The following EXT2 variants were observed in gnomAD, a reference collection of about 807,000 sequenced individuals.
The protein encoded by EXT2 is exostosin glycosyltransferase 2.
EXT2 carries 53 observed loss-of-function variants against 81.6 expected under a neutral mutation model. The ratio of observed to expected loss-of-function variants is 0.65; its 90% CI spans 0.52 to 0.82. The LOEUF (loss-of-function observed/expected upper bound fraction) is 0.82. Ranked by LOEUF, EXT2 falls within the 40% of genes least tolerant of loss-of-function variation. The pLI is 0.00. For synonymous variants in EXT2, 320 were observed against 340.0 expected, an observed-to-expected ratio of 0.94 and a Z score of 0.65; for missense variants, 774 against 910.2, an observed-to-expected ratio of 0.85 and a Z score of 1.93.
intron 4 of EXT2, among the ~76,000 whole-genome samples, chr11:44,118,813 G>A (rs1336876743): frequency 1.3e-5 from 2 of 151,956 alleles, no homozygotes; most frequent in East Asian, 3.9e-4. Flanking sequence ...TGTGCCTAGG[G>A]TCTTAATTTG....
chr11:44,101,584 C>T (rs1000051872), intron 1 of EXT2, among the ~76,000 whole-genome samples: 13 of 152,200 alleles, frequency 8.5e-5, no homozygotes, highest in African/African-American at 3.1e-4. Context: ...ATCACCTGCA[C>T]CTCCTGCCTG....
At position 44,145,254 on chromosome 11, in the gene EXT2, A is replaced by G. The variant is rs143887719; in HGVS notation, c.1173+15116A>G. Among the ~76,000 whole-genome samples the G allele has an allele frequency of 5.9e-5, 9 of 152,300 alleles. No homozygotes were observed. In the East Asian group the frequency reaches 1.2e-3, roughly 20 times the overall value. On this transcript the variant is annotated intron_variant, in intron 7 of 13. Coordinates refer to ENST00000533608, the MANE Select transcript of EXT2 (RefSeq NM_207122.2). Reference sequence around the variant, plus strand: ...AAATCAAACATCTCATTCTAAAAACATTGAGTAGAAAATGCCTCTTTTACT... The same window carrying G: ...AAATCAAACATCTCATTCTAAAAACGTTGAGTAGAAAATGCCTCTTTTACT...
At position 44,180,154 on chromosome 11, in the gene EXT2, T is replaced by A. The variant is rs1290198472; in HGVS notation, c.1305+8412T>A. Among the ~76,000 whole-genome samples the A allele has an allele frequency of 3.3e-5, 5 of 152,342 alleles. No individual in the cohort carries two copies. The East Asian group carries it at 9.6e-4, about 29-fold the overall frequency. ...GGAGTAACTGCTTTTAACTCTAACTTTTCTCTGATACTTTCTTCCTATTTC... is the reference window on the plus strand; with the variant it reads ...GGAGTAACTGCTTTTAACTCTAACTATTCTCTGATACTTTCTTCCTATTTC... On this transcript the variant is annotated intron_variant, in intron 8 of 13. Coordinates refer to ENST00000533608, the MANE Select transcript of EXT2 (RefSeq NM_207122.2).
intron 3 of EXT2, among the ~76,000 whole-genome samples, chr11:44,113,621 G>A (rs1380769880): frequency 1.3e-5 from 2 of 152,164 alleles, no homozygotes; most frequent in African/African-American, 2.4e-5. Flanking sequence ...AGTGAGAGCC[G>A]GTGGAGGCTA....
chr11:44,191,667 G>A (rs570107034), intron 8 of EXT2, among the ~76,000 whole-genome samples: 2 of 152,190 alleles, frequency 1.3e-5, no homozygotes, highest in South Asian at 2.1e-4. Context: ...CCAGCAGGGG[G>A]TCAGTTCTTA....
At chr11:44,235,250 T>TTTTTTTTTTG (rs869304268) in intron 12 of EXT2, among the ~76,000 whole-genome samples, 1 of 121,918 alleles carries the variant, frequency 8.2e-6, no homozygotes, top group African/African-American at 3.5e-5. Context: ...TTTTTTTTTT[T>TTTTTTTTTTG]GGTGAGACTG....
At chr11:44,166,397 C>CT (rs2135116751) in intron 7 of EXT2, among the ~76,000 whole-genome samples, 1 of 152,274 alleles carries the variant, frequency 6.6e-6, no homozygotes, top group Admixed American at 6.5e-5. Flanking sequence ...TAGGGCATAT[C>CT]TAAGAAGCAG....
chr11:44,182,054 G>A (rs1020871695), intron 8 of EXT2, among the ~76,000 whole-genome samples: 13 of 152,310 alleles, frequency 8.5e-5, no homozygotes, highest in Admixed American at 8.5e-4. Context: ...GGAAAGGATG[G>A]ATAATAATTC....
At chr11:44,171,781 C>A (rs1378529572) in intron 8 of EXT2, 39 bp downstream of exon 8, 1 of 1,613,010 alleles carries the variant, frequency 6.2e-7, no homozygotes, top group Non-Finnish European at 8.5e-7. Context: ...AGGCATGGTC[C>A]AGCTGTCAGG....
intron 13 of EXT2, among the ~76,000 whole-genome samples, chr11:44,243,677 C>G (rs1956063789): frequency 8.0e-6 from 1 of 125,128 alleles, no homozygotes; most frequent in South Asian, 2.8e-4. Context: ...GATCTCTCCT[C>G]TGCCTTTTAA....
At chr11:44,214,248 G>A (rs981355983) in intron 10 of EXT2, among the ~76,000 whole-genome samples, 3 of 152,062 alleles carry the variant, frequency 2.0e-5, no homozygotes, top group African/African-American at 7.3e-5. Flanking sequence ...CCGAGTAGCT[G>A]GGACTACAGG....
intron 4 of EXT2, chr11:44,116,647 T>A (rs985086080): frequency 2.6e-5 from 4 of 152,224 alleles, no homozygotes; most frequent in Non-Finnish European, 5.9e-5. Context: ...GGTTTCGATT[T>A]CCCCATATCC....
chr11:44,179,057 A>G (rs1160161304), intron 8 of EXT2, among the ~76,000 whole-genome samples: 1 of 152,190 alleles, frequency 6.6e-6, no homozygotes, highest in East Asian at 1.9e-4. Context: ...GGAGAGATGC[A>G]GAAAGACACA....
rs1004096995 is a variant in EXT2 at position 44,245,248 on chromosome 11, G to A, written c.*961G>A. 6.6e-5 allele frequency: 15 copies of A among 226,516 alleles called. No individual in the cohort carries two copies. Among genetic ancestry groups the A allele is most frequent in the East Asian group, 3.8e-4 (6 of 15,852 alleles). 14.0% of individuals were successfully genotyped at this position (226,516 alleles called of 1,614,324 possible). ...CAAGGAGTCGCTCTAGCTGGTACCC[G>A]TAAAAGTTGTGGGAATTGTGACCCC... On this transcript the variant is annotated 3_prime_UTR_variant, in exon 14 of 14. Transcript: ENST00000533608.
At chr11:44,190,605 G>A (rs752097240) in intron 8 of EXT2, among the ~76,000 whole-genome samples, 2 of 152,204 alleles carry the variant, frequency 1.3e-5, no homozygotes, top group Non-Finnish European at 2.9e-5. Flanking sequence ...CTGATGTGAT[G>A]AGGAATAGTA....
At position 44,235,960 on chromosome 11, in the gene EXT2, C is replaced by T. The variant is rs533690369; in HGVS notation, c.1936-333C>T. On this transcript the variant is annotated intron_variant, in intron 12 of 13. Transcript: ENST00000533608. Reference sequence around the variant, plus strand: ...TTATGGGAAGCTGTATTTCATCGCCCTTATGGCTACAAGAACAAATGGTGT... The same window carrying T: ...TTATGGGAAGCTGTATTTCATCGCCTTTATGGCTACAAGAACAAATGGTGT... 5.3e-5 allele frequency among the ~76,000 whole-genome samples: 8 copies of T among 152,312 alleles called. No homozygotes were observed. The South Asian group carries it at 1.5e-3, about 28-fold the overall frequency.
In EXT2 at chr11:44,119,153, T is replaced by TTC. The variant is rs1954273773; in HGVS notation, c.743+4852_743+4853insTC. On this transcript the variant is annotated intron_variant, in intron 4 of 13. Transcript: ENST00000533608. Reference sequence around the variant, plus strand: ...ATATATATATATATATATATATATATATATATATATATATATACACATACA... The same window carrying TTC: ...ATATATATATATATATATATATATATTCATATATATATATATATACACATACA... Among the ~76,000 whole-genome samples, 6 of 94,640 alleles carry TTC rather than the reference T, an allele frequency of 6.3e-5. 1 individual carries two copies. The highest frequency in any genetic ancestry group is 1.2e-4 in the Admixed American group (1 of 8,610). The allele number at this position is 94,640 out of a possible 152,430, so 62.1% of individuals were successfully genotyped here. A position where few individuals can be genotyped will look rare whatever the true frequency, so the allele number is the denominator to read the frequency against.
chr11:44,225,861 G>T lies in EXT2; in HGVS notation c.1663-6492G>T, dbSNP rs116124779. Among the ~76,000 whole-genome samples the T allele has an allele frequency of 1.6e-3, 249 of 152,280 alleles. 2 individuals carry two copies. The highest frequency in any genetic ancestry group is 6.8e-3 in the Middle Eastern group (2 of 294). On this transcript the variant is annotated intron_variant, in intron 10 of 13. Coordinates refer to ENST00000533608, the MANE Select transcript of EXT2 (RefSeq NM_207122.2). ...CTCTGCCTTCTACATGATCTCTGAG[G>T]TTGCAGATCTCTGAGATAGCTTGGA... is the stretch of plus-strand genomic sequence containing the variant.
chr11:44,144,155 G>A (rs1407995528), intron 7 of EXT2: 6 of 1,084,900 alleles, frequency 5.5e-6, no homozygotes, highest in Non-Finnish European at 1.4e-6. Flanking sequence ...GCCCCAGGCA[G>A]ATTCCTTTAT....
Sources: gnomAD v4.1 joint callset for allele counts (sites outside exome capture counted in the v4.1 genomes callset) on GRCh38, gnomAD v4.1.1 for gene constraint, MANE v1.5 for transcripts, NCBI Gene and HGNC (gene_info 2026-07-23, HGNC 2026-07-21) for gene names.